Variants in RPAP3 observed in about 807,000 individuals in gnomAD.
RPAP3 encodes RNA polymerase II-associated protein 3.
Under a neutral mutation model 88.8 loss-of-function variants are expected in RPAP3, and 58 were observed. That is an observed-to-expected ratio of 0.65 (90% CI 0.53 to 0.81). The LOEUF is 0.81. Ranked by LOEUF, RPAP3 falls within the 40% of genes least tolerant of loss-of-function variation. The probability of loss-of-function intolerance (pLI) is 0.00; values close to 1 mark genes in which losing one functional copy is unlikely to be tolerated. For missense variants in RPAP3, 751 were observed against 764.3 expected, an observed-to-expected ratio of 0.98 and a Z score of 0.20; for synonymous variants, 255 against 259.9, an observed-to-expected ratio of 0.98 and a Z score of 0.18.
At chr12:47,679,966 T>C (rs139639549) in intron 10 of RPAP3, among the ~76,000 whole-genome samples, 192 bp from the exon 11 acceptor site, 1 of 152,306 alleles carries the variant, frequency 6.6e-6, no homozygotes, top group East Asian at 1.9e-4. Flanking sequence ...TATATGAATG[T>C]TCACGTAACC....
At position 47,662,412 on chromosome 12, in the gene RPAP3, T is replaced by G. The variant is rs75999589; in HGVS notation, c.*1093A>C. The G allele has an allele frequency of 6.6e-6, 1 of 152,226 alleles. No individual in the cohort carries two copies. The highest frequency in any genetic ancestry group is 2.4e-5 in the African/African-American group (1 of 41,464). The allele number at this position is 152,226 out of a possible 1,614,324, so 9.4% of individuals were successfully genotyped here. ...AGAAATTATCTTTGTAAATAAATTA[T>G]GATTACTTCTCAAACAATTCATAAG... On this transcript the variant is annotated 3_prime_UTR_variant, in exon 17 of 17. Coordinates refer to ENST00000005386, the MANE Select transcript of RPAP3 (RefSeq NM_024604.3).
chr12:47,696,421 A>G lies in RPAP3; in HGVS notation c.418-18T>C. ...TTATTGCCCTGAAAGAAAATTATATAAAATGATCTTTTTTACAAATTCTGA... is the reference window on the plus strand; with the variant it reads ...TTATTGCCCTGAAAGAAAATTATATGAAATGATCTTTTTTACAAATTCTGA... On this transcript the variant is annotated intron_variant, in intron 4 of 16. Coordinates refer to ENST00000005386, the MANE Select transcript of RPAP3 (RefSeq NM_024604.3). 1 of 1,534,006 alleles carries G rather than the reference A, an allele frequency of 6.5e-7. No homozygotes were observed. The highest frequency in any genetic ancestry group is 8.8e-7 in the Non-Finnish European group (1 of 1,131,358).
chr12:47,667,111 T>A (rs753465561), intron 15 of RPAP3, 31 bp from the exon 16 acceptor site: 4 of 1,054,466 alleles, frequency 3.8e-6, no homozygotes, highest in Non-Finnish European at 5.3e-6. Context: ...AAACAAATGA[T>A]CAGTTAAAAG....
At chr12:47,684,381 G>A (rs1939282925) in intron 9 of RPAP3, among the ~76,000 whole-genome samples, 1 of 152,104 alleles carries the variant, frequency 6.6e-6, no homozygotes, top group African/African-American at 2.4e-5. Context: ...GTTCTAATTA[G>A]CTCTAATTTG....
chr12:47,680,906 T>C (rs1939209910), intron 10 of RPAP3, among the ~76,000 whole-genome samples: 1 of 137,760 alleles, frequency 7.3e-6, no homozygotes, highest in East Asian at 2.1e-4. Flanking sequence ...TAGGAAAAGA[T>C]ACAACTTGCT....
At chr12:47,690,209 C>A (rs569213249) in intron 6 of RPAP3, among the ~76,000 whole-genome samples, 3 of 152,116 alleles carry the variant, frequency 2.0e-5, no homozygotes, top group Non-Finnish European at 2.9e-5. Context: ...AAACACACTA[C>A]CTCTTGCCTC....
chr12:47,694,205 G>T (rs1054303173), intron 5 of RPAP3, among the ~76,000 whole-genome samples: 2 of 152,166 alleles, frequency 1.3e-5, no homozygotes, highest in African/African-American at 4.8e-5. Flanking sequence ...AATAATTAAA[G>T]ATAGTGTGGA....
At chr12:47,684,106 C>T (rs1266158335) in intron 9 of RPAP3, among the ~76,000 whole-genome samples, 1 of 152,176 alleles carries the variant, frequency 6.6e-6, no homozygotes, top group Non-Finnish European at 1.5e-5. Flanking sequence ...AACTTCTGTC[C>T]TTATTTCTGA....
chr12:47,677,237 G>A (rs890776246), intron 12 of RPAP3, among the ~76,000 whole-genome samples: 8 of 152,070 alleles, frequency 5.3e-5, no homozygotes, highest in Admixed American at 1.3e-4. Flanking sequence ...TTGATGGAAT[G>A]TTTCTCAAAA....
At position 47,679,770 on chromosome 12, in the gene RPAP3, A is replaced by C. The variant is rs1421669762; in HGVS notation, c.1119T>G (p.Phe373Leu). 6.2e-7 allele frequency: 1 copy of C among 1,602,624 alleles called. No individual in the cohort carries two copies. Among genetic ancestry groups the C allele is most frequent in the African/African-American group, 1.3e-5 (1 of 74,712 alleles). Residue 373 changes from phenylalanine to leucine, a missense_variant, in exon 11 of 17, where the codon TTT (phenylalanine) becomes TTG (leucine). Physicochemically the swap from Phe to Leu is conservative, Grantham distance 22. Coordinates refer to ENST00000005386, the MANE Select transcript of RPAP3 (RefSeq NM_024604.3). ...LGKLNEAKQD[F>L]ETVLLLEPGN... is the part of the protein sequence containing the mutation. The stretch of plus-strand genomic sequence containing the variant: ...CAGGTTCCAGAAGTAAAACAGTTTC[A>C]AAATCTAAAGCGAATTTTTTAAAAA...
rs1458877464 is a variant in RPAP3, at chr12:47,686,331, A to G, written c.992+449T>C. Among the ~76,000 whole-genome samples, 3 of 152,226 alleles carry G rather than the reference A, an allele frequency of 2.0e-5. No individual in the cohort carries two copies. In the East Asian group the frequency reaches 5.8e-4, roughly 29 times the overall value. On this transcript the variant is annotated intron_variant, in intron 9 of 16. Coordinates refer to ENST00000005386, the MANE Select transcript of RPAP3 (RefSeq NM_024604.3). ...TGTTATACATGTATGTATATAAAAC[A>G]TTTCCAGATAAGACTTTGCCCAAGG...
intron 12 of RPAP3, among the ~76,000 whole-genome samples, chr12:47,678,969 A>G (rs113686886): frequency 4.6e-5 from 7 of 152,356 alleles, no homozygotes; most frequent in South Asian, 4.1e-4. Context: ...CTGAGGCACT[A>G]TTCACAATAG....
At chr12:47,670,023 CA>C in intron 13 of RPAP3, 83 bp downstream of exon 13, 1 of 902,752 alleles carries the variant, frequency 1.1e-6, no homozygotes. Flanking sequence ...ATGATGAGTA[CA>C]AATCAGAAGT....
chr12:47,703,469 A>C (rs1263624276), intron 1 of RPAP3, among the ~76,000 whole-genome samples: 1 of 152,220 alleles, frequency 6.6e-6, no homozygotes, highest in African/African-American at 2.4e-5. Flanking sequence ...GTGACAACGA[A>C]GAATCCCAGA....
intron 16 of RPAP3, chr12:47,664,948 G>A (rs958464739): frequency 2.0e-5 from 3 of 152,102 alleles, no homozygotes; most frequent in African/African-American, 7.2e-5. Flanking sequence ...GTTCATGGGG[G>A]GTCAGTGAAG....
chr12:47,684,259 C>A (rs941056727), intron 9 of RPAP3, among the ~76,000 whole-genome samples: 5 of 152,210 alleles, frequency 3.3e-5, no homozygotes, highest in African/African-American at 1.2e-4. Flanking sequence ...TTTAGACTAT[C>A]ACCTCCAGAA....
chr12:47,701,626 C>T, intron 2 of RPAP3, 22 bp from the exon 3 acceptor site: 1 of 1,554,830 alleles, frequency 6.4e-7, no homozygotes. Context: ...AAAAAAAACA[C>T]AAAGTTGTGA....
chr12:47,664,040 T>C (rs1938814262), intron 16 of RPAP3, among the ~76,000 whole-genome samples: 1 of 152,218 alleles, frequency 6.6e-6, no homozygotes, highest in Non-Finnish European at 1.5e-5. Flanking sequence ...GAAATCACAC[T>C]TGATGGGACA....
At chr12:47,704,147 T>C (rs749270746) in intron 1 of RPAP3, among the ~76,000 whole-genome samples, 2 of 152,140 alleles carry the variant, frequency 1.3e-5, no homozygotes, top group Non-Finnish European at 2.9e-5. Flanking sequence ...TTAACCATTG[T>C]GACAACTGGG....
Sources: gnomAD v4.1 joint callset for allele counts (sites outside exome capture counted in the v4.1 genomes callset) on GRCh38, gnomAD v4.1.1 for gene constraint, MANE v1.5 for transcripts, NCBI Gene and HGNC (gene_info 2026-07-23, HGNC 2026-07-21) for gene names.